Variants in EVI5 observed in about 807,000 individuals in gnomAD.
EVI5 encodes the protein ecotropic viral integration site 5 protein homolog.
Under a neutral mutation model 112.0 loss-of-function variants are expected in EVI5, and 73 were observed. The ratio of observed to expected loss-of-function variants is 0.65; its 90% CI spans 0.54 to 0.79. EVI5 has a LOEUF of 0.79. Ranked by LOEUF, EVI5 falls within the 30% of genes least tolerant of loss-of-function variation. EVI5 has a pLI of 0.00. For missense variants in EVI5, 900 were observed against 968.8 expected (o/e 0.93, Z 0.94); for synonymous variants, 305 against 319.9 (o/e 0.95, Z 0.50).
chr1:92,568,342 C>G (rs1669804175), intron 18 of EVI5, among the ~76,000 whole-genome samples: 1 of 143,848 alleles, frequency 7.0e-6, no homozygotes, highest in Admixed American at 7.3e-5. Context: ...TGTCGCTACA[C>G]TCCAGCCTGG....
chr1:92,574,886 TTAGG>T (rs1439362334), intron 18 of EVI5, among the ~76,000 whole-genome samples: 2 of 152,206 alleles, frequency 1.3e-5, no homozygotes, highest in Non-Finnish European at 2.9e-5. Context: ...GGAAACTTTC[TTAGG>T]TAGGAAGACA....
At chr1:92,570,100 GA>G (rs1042012549) in intron 18 of EVI5, among the ~76,000 whole-genome samples, 9 of 151,236 alleles carry the variant, frequency 6.0e-5, no homozygotes, top group East Asian at 1.9e-4. Flanking sequence ...GAAATAAGGG[GA>G]AAAAAAACAC....
rs1349408655 is a variant in EVI5, at chr1:92,615,825, A to AG, written c.1828-8099_1828-8098insC. Among the ~76,000 whole-genome samples, 27 of 152,234 alleles carry AG rather than the reference A, an allele frequency of 1.8e-4. No individual in the cohort carries two copies. In the South Asian group the frequency reaches 3.9e-3, roughly 22 times the overall value. On this transcript the variant is annotated intron_variant, in intron 16 of 19. Transcript: ENST00000684568. ...ACCCTAGAGGGTGAGGTTGAGTGTG[A>AG]CCCATGAGGAGGTGTGCTACACTTG...
At chr1:92,626,336 C>A (rs1655654657) in intron 14 of EVI5, among the ~76,000 whole-genome samples, 1 of 152,124 alleles carries the variant, frequency 6.6e-6, no homozygotes, top group East Asian at 1.9e-4. Flanking sequence ...CCTTACTTCA[C>A]TTAGAACAAT....
intron 18 of EVI5, among the ~76,000 whole-genome samples, chr1:92,577,705 G>C (rs1441114956): frequency 6.6e-6 from 1 of 152,192 alleles, no homozygotes; most frequent in Non-Finnish European, 1.5e-5. Context: ...CTCTAACAAA[G>C]GGAGGATCTG....
At chr1:92,552,100 C>T (rs1667030199) in intron 19 of EVI5, among the ~76,000 whole-genome samples, 2 of 132,090 alleles carry the variant, frequency 1.5e-5, no homozygotes, top group South Asian at 5.1e-4. Context: ...CAGATGTGTT[C>T]GAGGACTAAT....
At chr1:92,689,739 G>A (rs1669168845) in intron 9 of EVI5, among the ~76,000 whole-genome samples, 1 of 152,166 alleles carries the variant, frequency 6.6e-6, no homozygotes, top group African/African-American at 2.4e-5. Context: ...TTGTGATGTT[G>A]AACACAGCTT....
At chr1:92,670,069 G>C (rs571763174) in intron 10 of EVI5, among the ~76,000 whole-genome samples, 49 of 152,054 alleles carry the variant, frequency 3.2e-4, no homozygotes, top group Non-Finnish European at 6.3e-4. Flanking sequence ...ACATACCCTG[G>C]ACACATTCTT....
chr1:92,629,793 T>C (rs1418539553), intron 14 of EVI5, among the ~76,000 whole-genome samples: 1 of 151,588 alleles, frequency 6.6e-6, no homozygotes, highest in East Asian at 1.9e-4. Flanking sequence ...ATTAGGTATA[T>C]CTCCTAATGC....
intron 1 of EVI5, among the ~76,000 whole-genome samples, chr1:92,737,426 G>GA (rs1677626844): frequency 6.6e-6 from 1 of 152,022 alleles, no homozygotes; most frequent in Admixed American, 6.5e-5. Context: ...TAACCAGGAA[G>GA]AAAAAAGCCT....
intron 2 of EVI5, among the ~76,000 whole-genome samples, chr1:92,712,675 T>C (rs1187866963): frequency 6.6e-6 from 1 of 152,120 alleles, no homozygotes; most frequent in East Asian, 1.9e-4. Flanking sequence ...ACCTTTCCTA[T>C]GATTAAAAAT....
At chr1:92,708,615 A>T (rs1027162280) in intron 2 of EVI5, among the ~76,000 whole-genome samples, 2 of 152,126 alleles carry the variant, frequency 1.3e-5, no homozygotes, top group African/African-American at 4.8e-5. Context: ...ACTCTTAGGT[A>T]TATATCCAAA....
At chr1:92,591,691 T>G (rs534876609) in intron 18 of EVI5, among the ~76,000 whole-genome samples, 2 of 152,158 alleles carry the variant, frequency 1.3e-5, no homozygotes, top group East Asian at 3.9e-4. Flanking sequence ...CTGTCAACAT[T>G]AGACAGATCG....
At chr1:92,754,692 T>C (rs1247761696) in intron 1 of EVI5, among the ~76,000 whole-genome samples, 1 of 152,216 alleles carries the variant, frequency 6.6e-6, no homozygotes, top group Non-Finnish European at 1.5e-5. Flanking sequence ...TTGTGGCAAC[T>C]GGCTTCCCCC....
chr1:92,668,475 A>G (rs559366570), intron 10 of EVI5, among the ~76,000 whole-genome samples: 2 of 152,344 alleles, frequency 1.3e-5, no homozygotes, highest in South Asian at 4.1e-4. Context: ...ATCTTAAAAG[A>G]TTTAGAAAAC....
Position 92,511,405 on chromosome 1 carries a change from A to T in EVI5, c.*2251T>A, listed in dbSNP as rs1571237713. On this transcript the variant is annotated 3_prime_UTR_variant, in exon 20 of 20. Transcript: ENST00000684568. Reference sequence around the variant, plus strand: ...GGAGGTTGCAGTGAGCCAAGATCGTACCACTGCACTCCAGCCTGAGTGCAG... The same window carrying T: ...GGAGGTTGCAGTGAGCCAAGATCGTTCCACTGCACTCCAGCCTGAGTGCAG... The T allele has an allele frequency of 6.6e-6, 1 of 152,322 alleles. No homozygotes were observed. The highest frequency in any genetic ancestry group is 2.4e-5 in the African/African-American group (1 of 41,436). The allele number at this position is 152,322 out of a possible 1,614,324, so 9.4% of individuals were successfully genotyped here.
At chr1:92,672,915 TG>T (rs1666105723) in intron 10 of EVI5, among the ~76,000 whole-genome samples, 1 of 152,324 alleles carries the variant, frequency 6.6e-6, no homozygotes, top group South Asian at 2.1e-4. Context: ...AGAATACACA[TG>T]GGCCTTAGAA....
chr1:92,784,911 C>G lies in EVI5; in HGVS notation c.-157G>C. The G allele has an allele frequency of 1.0e-6, 1 of 986,338 alleles. No homozygotes were observed. Among genetic ancestry groups the G allele is most frequent in the Non-Finnish European group, 1.2e-6 (1 of 830,748 alleles). 61.1% of individuals were successfully genotyped at this position (986,338 alleles called of 1,614,324 possible). A position where few individuals can be genotyped will look rare whatever the true frequency, so the allele number is the denominator to read the frequency against. On this transcript the variant is annotated 5_prime_UTR_variant, in exon 1 of 20. Coordinates refer to ENST00000684568, the MANE Select transcript of EVI5 (RefSeq NM_001350197.2). The stretch of plus-strand genomic sequence containing the variant: ...CGGCAGCCGCGCCGCCGCGTCTCAG[C>G]GCCTCGGCCCCGCTCCTGGCTCCAC...
rs1659098118 is a variant in EVI5, at chr1:92,510,028, T to C, written c.*3628A>G. ...GTCAAACCAAGGCATAATATCCTAT[T>C]GCATCCTAAAGGCCTGGGAGATTTT... is the stretch of plus-strand genomic sequence containing the variant. On this transcript the variant is annotated 3_prime_UTR_variant, in exon 20 of 20. Coordinates refer to ENST00000684568, the MANE Select transcript of EVI5 (RefSeq NM_001350197.2). The C allele has an allele frequency of 6.6e-6, 1 of 152,342 alleles. No individual in the cohort carries two copies. The highest frequency in any genetic ancestry group is 6.5e-5 in the Admixed American group (1 of 15,308). The allele number at this position is 152,342 out of a possible 1,614,324, so 9.4% of individuals were successfully genotyped here. A position where few individuals can be genotyped will look rare whatever the true frequency, so the allele number is the denominator to read the frequency against.
Sources: allele counts gnomAD v4.1 joint callset (sites outside exome capture counted in the v4.1 genomes callset), GRCh38; gene constraint gnomAD v4.1.1; transcripts MANE v1.5; gene names NCBI Gene and HGNC (gene_info 2026-07-23, HGNC 2026-07-21).